The following CFAP20DC variants were observed in gnomAD, a reference collection of about 807,000 sequenced individuals.
CFAP20DC encodes CFAP20 domain containing.
CFAP20DC carries 84 observed loss-of-function variants against 101.7 expected under a neutral mutation model. The observed-to-expected ratio is 0.83, with a 90% CI of 0.69 to 0.99. CFAP20DC has a LOEUF of 0.99. Among genes scored for constraint, CFAP20DC ranks in the 50% least tolerant of loss-of-function variants. The pLI is 0.00. For missense variants in CFAP20DC, 1,007 were observed against 970.3 expected, an observed-to-expected ratio of 1.04 and a Z score of -0.50; for synonymous variants, 359 against 351.2, an observed-to-expected ratio of 1.02 and a Z score of -0.25.
intron 4 of CFAP20DC, among the ~76,000 whole-genome samples, chr3:59,036,023 T>C (rs912726540): frequency 6.6e-6 from 1 of 152,080 alleles, no homozygotes; most frequent in African/African-American, 2.4e-5. Flanking sequence ...ACATAATCCA[T>C]CACATAAACA....
At chr3:58,748,003 T>A (rs1023656807) in intron 16 of CFAP20DC, among the ~76,000 whole-genome samples, 1 of 152,220 alleles carries the variant, frequency 6.6e-6, no homozygotes, top group Non-Finnish European at 1.5e-5. Flanking sequence ...AATAGGTACA[T>A]TACCCCTTTT....
intron 4 of CFAP20DC, among the ~76,000 whole-genome samples, chr3:58,962,445 C>T (rs2091218915): frequency 6.6e-6 from 1 of 152,284 alleles, no homozygotes; most frequent in Admixed American, 6.5e-5. Flanking sequence ...ATTAAGACTT[C>T]TCCCAGAGAA....
chr3:58,855,530 G>A (rs1048249747), intron 12 of CFAP20DC, among the ~76,000 whole-genome samples: 40 of 152,016 alleles, frequency 2.6e-4, no homozygotes, highest in African/African-American at 4.3e-4. Context: ...ATAAAGACAC[G>A]TGCACACATG....
intron 5 of CFAP20DC, among the ~76,000 whole-genome samples, chr3:58,919,749 C>T (rs2085137030): frequency 6.6e-6 from 1 of 152,098 alleles, no homozygotes; most frequent in African/African-American, 2.4e-5. Flanking sequence ...CATGAGTATT[C>T]AGAGTTTTAA....
chr3:58,723,193 T>G (rs1445181572), intron 3 of CFAP20DC, among the ~76,000 whole-genome samples: 3 of 152,244 alleles, frequency 2.0e-5, no homozygotes, highest in Non-Finnish European at 4.4e-5. Context: ...GGTAAAACTG[T>G]AACTGTGAAT....
At position 58,994,868 on chromosome 3, in the gene CFAP20DC, C is replaced by G. The variant is rs72883321; in HGVS notation, c.278+44689G>C. ...AAAACAAAAAGCAAAACCAACAATT[C>G]CGGCAGGTGAGGGAAGAAGGTTCTT... is the stretch of plus-strand genomic sequence containing the variant. On this transcript the variant is annotated intron_variant, in intron 4 of 16. Coordinates refer to ENST00000482387, the MANE Select transcript of CFAP20DC (RefSeq NM_001394063.1). Among the ~76,000 whole-genome samples the G allele has an allele frequency of 3.0e-3, 458 of 151,948 alleles. 6 individuals carry two copies. Among genetic ancestry groups the G allele is most frequent in the African/African-American group, 0.01 (427 of 41,474 alleles).
At chr3:58,842,293 G>C (rs543740801) in intron 13 of CFAP20DC, among the ~76,000 whole-genome samples, 1 of 152,328 alleles carries the variant, frequency 6.6e-6, no homozygotes, top group East Asian at 1.9e-4. Flanking sequence ...AGTGGGCGCA[G>C]GCCAGTGGGT....
At chr3:58,792,469 G>A (rs1024736357) in intron 15 of CFAP20DC, among the ~76,000 whole-genome samples, 2 of 151,946 alleles carry the variant, frequency 1.3e-5, no homozygotes, top group Non-Finnish European at 2.9e-5. Context: ...ATGCTTCATA[G>A]GAATTTTATT....
intron 14 of CFAP20DC, among the ~76,000 whole-genome samples, chr3:58,815,977 A>C (rs1464356774): frequency 1.3e-5 from 2 of 151,676 alleles, no homozygotes; most frequent in Non-Finnish European, 2.9e-5. Context: ...CTAGAACTGG[A>C]AATATCATTT....
chr3:58,890,065 G>A (rs1312540755), intron 6 of CFAP20DC, among the ~76,000 whole-genome samples: 225 of 150,582 alleles, frequency 1.5e-3, no homozygotes, highest in Non-Finnish European at 2.3e-3. Flanking sequence ...ATGAGCTGTT[G>A]GGCACACCTC....
chr3:58,995,783 T>C (rs1367576306), intron 4 of CFAP20DC, among the ~76,000 whole-genome samples: 1 of 152,184 alleles, frequency 6.6e-6, no homozygotes. Flanking sequence ...GTCTTTTTAG[T>C]TGGAACATAG....
chr3:59,032,460 C>T (rs2094014242), intron 4 of CFAP20DC, among the ~76,000 whole-genome samples: 1 of 152,164 alleles, frequency 6.6e-6, no homozygotes, highest in Non-Finnish European at 1.5e-5. Context: ...TTGAAATTCT[C>T]GCTGCCAGCA....
Position 58,961,881 on chromosome 3 carries a change from T to C in CFAP20DC, c.279-24119A>G, listed in dbSNP as rs377330181. Among the ~76,000 whole-genome samples the C allele has an allele frequency of 7.1e-4, 108 of 152,326 alleles. 2 individuals are homozygous for C. The East Asian group carries it at 0.011, about 15-fold the overall frequency. ...GGTTATGAGCAGTGTTCTCCTGTTTTACTGATTTTGGTCATTTGTGTCTCC... is the reference window on the plus strand; with the variant it reads ...GGTTATGAGCAGTGTTCTCCTGTTTCACTGATTTTGGTCATTTGTGTCTCC... On this transcript the variant is annotated intron_variant, in intron 4 of 16. Transcript: ENST00000482387.
At chr3:58,836,906 G>A (rs1364658634) in intron 13 of CFAP20DC, among the ~76,000 whole-genome samples, 3 of 152,068 alleles carry the variant, frequency 2.0e-5, no homozygotes, top group Non-Finnish European at 2.9e-5. Flanking sequence ...GAGAAAGGTC[G>A]TTTTGTGGAG....
At chr3:58,745,723 G>T (rs943459098) in intron 16 of CFAP20DC, among the ~76,000 whole-genome samples, 1 of 152,080 alleles carries the variant, frequency 6.6e-6, no homozygotes, top group Non-Finnish European at 1.5e-5. Flanking sequence ...AGTAACTCAG[G>T]ATGGAAGTAC....
At chr3:58,730,781 C>G (rs2067629956) in intron 3 of CFAP20DC, among the ~76,000 whole-genome samples, 1 of 152,102 alleles carries the variant, frequency 6.6e-6, no homozygotes, top group Non-Finnish European at 1.5e-5. Flanking sequence ...CATAAAATAA[C>G]TACAGAATTT....
intron 4 of CFAP20DC, among the ~76,000 whole-genome samples, chr3:58,950,363 C>A (rs1215616513): frequency 6.6e-6 from 1 of 152,130 alleles, no homozygotes; most frequent in Non-Finnish European, 1.5e-5. Flanking sequence ...TCAATGCCAA[C>A]CCCATCAAGC....
chr3:58,831,363 G>A (rs1001716135), intron 14 of CFAP20DC, among the ~76,000 whole-genome samples: 1 of 152,178 alleles, frequency 6.6e-6, no homozygotes, highest in Non-Finnish European at 1.5e-5. Flanking sequence ...TGAGCCTCTT[G>A]TATGTGCCAC....
Position 58,936,389 on chromosome 3 carries a change from A to G in CFAP20DC, c.393+1259T>C, listed in dbSNP as rs563963390. ...GGCGATTCCTCAGGGATCTAGAACT[A>G]GAAATACCATTTGACCCAGCCATCC... On this transcript the variant is annotated intron_variant, in intron 5 of 16. Coordinates refer to ENST00000482387, the MANE Select transcript of CFAP20DC (RefSeq NM_001394063.1). Among the ~76,000 whole-genome samples the G allele has an allele frequency of 3.3e-5, 5 of 152,358 alleles. No individual in the cohort carries two copies. The East Asian group carries it at 9.6e-4, about 29-fold the overall frequency.
Sources: gnomAD v4.1 joint callset for allele counts (sites outside exome capture counted in the v4.1 genomes callset) on GRCh38, gnomAD v4.1.1 for gene constraint, MANE v1.5 for transcripts, NCBI Gene and HGNC (gene_info 2026-07-23, HGNC 2026-07-21) for gene names.